Variants in DHX29 observed in about 807,000 individuals in gnomAD.
The protein encoded by DHX29 is DExH-box helicase 29.
A neutral mutation model predicts 167.9 loss-of-function variants in DHX29; 79 were observed. The ratio of observed to expected loss-of-function variants is 0.47; its 90% CI spans 0.39 to 0.57. The LOEUF is 0.57. Among genes scored for constraint, DHX29 ranks in the 20% least tolerant of loss-of-function variants. DHX29 has a pLI of 0.00. For missense variants in DHX29, 1,347 were observed against 1,593.4 expected, an observed-to-expected ratio of 0.85 and a Z score of 2.63; for synonymous variants, 530 against 546.0, an observed-to-expected ratio of 0.97 and a Z score of 0.41.
At chr5:55,270,313 G>T in intron 20 of DHX29, 99 bp downstream of exon 20, 1 of 1,340,700 alleles carries the variant, frequency 7.5e-7, no homozygotes, top group Non-Finnish European at 1.0e-6. Flanking sequence ...TAAAAAAGTT[G>T]AAAATCTAAA....
chr5:55,275,078 A>G, intron 14 of DHX29, 68 bp from the exon 15 acceptor site: 1 of 1,542,172 alleles, frequency 6.5e-7, no homozygotes, highest in Middle Eastern at 1.9e-4. Flanking sequence ...AAAGAAGGAA[A>G]AAAGGCGGTA....
At chr5:55,264,132 A>T (rs1019728704) in intron 23 of DHX29, among the ~76,000 whole-genome samples, 6 of 144,958 alleles carry the variant, frequency 4.1e-5, no homozygotes, top group South Asian at 2.2e-4. Flanking sequence ...CCATCTATTT[A>T]AAAAAAAAAC....
At position 55,306,949 on chromosome 5, in the gene DHX29, C is replaced by T. The variant is rs554781038; in HGVS notation, c.187+438G>A. On this transcript the variant is annotated intron_variant, in intron 1 of 26. Transcript: ENST00000251636. ...TAATTTTTATTAAGTATTGATTTTT[C>T]CAGAACGCATGGAGACACTAGATTG... Among the ~76,000 whole-genome samples the T allele has an allele frequency of 3.1e-3, 478 of 152,226 alleles. 4 individuals are homozygous for T. The highest frequency in any genetic ancestry group is 6.8e-3 in the Middle Eastern group (2 of 294).
At position 55,270,477 on chromosome 5, in the gene DHX29, A is replaced by G; in HGVS notation, c.3004T>C (p.Phe1002Leu). The stretch of plus-strand genomic sequence containing the variant: ...ATTTCAGGAACAGAATAATCCATAA[A>G]GCCTTCAAATCTGAAAAATAAAGTA... ...RMYTRERFEG[F>L]MDYSVPEILR... Residue 1002 changes from phenylalanine (F) to leucine (L), a missense_variant, in exon 20 of 27, where the codon TTT becomes CTT. Phe to Leu is a conservative substitution (Grantham distance 22). Coordinates refer to ENST00000251636, the MANE Select transcript of DHX29 (RefSeq NM_019030.4). The G allele has an allele frequency of 2.5e-6, 4 of 1,613,482 alleles. No individual in the cohort carries two copies. The highest frequency in any genetic ancestry group is 1.3e-5 in the African/African-American group (1 of 75,016).
chr5:55,293,728 G>A (rs957361278), intron 6 of DHX29, among the ~76,000 whole-genome samples: 3 of 151,996 alleles, frequency 2.0e-5, no homozygotes, highest in African/African-American at 4.8e-5. Flanking sequence ...GTAAAGGAAC[G>A]TGCCTTATCT....
In DHX29 at chr5:55,267,248, T is replaced by C; in HGVS notation, c.3432-17A>G. 1.3e-6 allele frequency: 2 copies of C among 1,574,540 alleles called. No individual in the cohort carries two copies. Among genetic ancestry groups the C allele is most frequent in the South Asian group, 2.2e-5 (2 of 89,500 alleles). On this transcript the variant is annotated splice_polypyrimidine_tract_variant and intron_variant, in intron 22 of 26. Transcript: ENST00000251636. Reference sequence around the variant, plus strand: ...TTCTTCCATCTAGATAAATAAAATGTCAATTAATGAATAAAGTTCACCATG... The same window carrying C: ...TTCTTCCATCTAGATAAATAAAATGCCAATTAATGAATAAAGTTCACCATG...
intron 25 of DHX29, 27 bp from the exon 26 acceptor site, chr5:55,259,971 CA>C (rs1561132082): frequency 7.2e-7 from 1 of 1,382,982 alleles, no homozygotes; most frequent in South Asian, 1.2e-5. Context: ...AAAAAATGGA[CA>C]AAGTCAATCC....
intron 18 of DHX29, among the ~76,000 whole-genome samples, chr5:55,271,807 A>G (rs1453062660): frequency 6.6e-6 from 1 of 152,198 alleles, no homozygotes; most frequent in Non-Finnish European, 1.5e-5. Context: ...TTTTACAAAT[A>G]AAATATCTAT....
chr5:55,259,334 T>C (rs1411916722), intron 26 of DHX29, among the ~76,000 whole-genome samples: 3 of 152,158 alleles, frequency 2.0e-5, no homozygotes, highest in Non-Finnish European at 4.4e-5. Flanking sequence ...TAATCACTAA[T>C]TGAGTTTGAT....
intron 26 of DHX29, 68 bp from the exon 27 acceptor site, chr5:55,256,608 T>C (rs1291209918): frequency 1.4e-6 from 2 of 1,467,050 alleles, no homozygotes; most frequent in African/African-American, 1.4e-5. Flanking sequence ...GGTATGCACA[T>C]GTAAATAAGA....
chr5:55,280,398 A>G (rs1747341618), intron 12 of DHX29, among the ~76,000 whole-genome samples: 1 of 152,214 alleles, frequency 6.6e-6, no homozygotes, highest in Non-Finnish European at 1.5e-5. Context: ...AGATGTTTCA[A>G]CTTACCTAAC....
At chr5:55,294,999 T>G (rs1300043399) in intron 5 of DHX29, 1 of 166,036 alleles carries the variant, frequency 6.0e-6, no homozygotes. Flanking sequence ...GACCACTATA[T>G]GTGAGGAAAC....
chr5:55,277,848 G>T (rs944452254), intron 12 of DHX29, among the ~76,000 whole-genome samples: 2 of 147,198 alleles, frequency 1.4e-5, no homozygotes, highest in African/African-American at 5.1e-5. Flanking sequence ...AGAGTTTGCA[G>T]TGAGCCAAGA....
intron 12 of DHX29, among the ~76,000 whole-genome samples, chr5:55,280,761 A>G (rs1217646531): frequency 6.6e-6 from 1 of 152,190 alleles, no homozygotes; most frequent in East Asian, 1.9e-4. Context: ...CTGCTTCTTC[A>G]TAGTAGTTCA....
intron 5 of DHX29, chr5:55,295,035 T>A: frequency 5.5e-6 from 1 of 183,010 alleles, no homozygotes; most frequent in Non-Finnish European, 1.1e-5. Context: ...GGAAAAAACA[T>A]GTAAACAGAG....
intron 10 of DHX29, among the ~76,000 whole-genome samples, chr5:55,284,125 T>C (rs1303504848): frequency 6.6e-6 from 1 of 152,230 alleles, no homozygotes; most frequent in Admixed American, 6.5e-5. Context: ...ATTCACTTAA[T>C]CTCTATGTGT....
Position 55,289,605 on chromosome 5 carries a change from A to AT in DHX29, c.908-178dup, listed in dbSNP as rs1747933405. Reference sequence around the variant, plus strand: ...TTTCCTTGTAGCCAATTATTTAATAATTCCTGTTAGGAATCTGTGCAGGAA... The same window carrying AT: ...TTTCCTTGTAGCCAATTATTTAATAATTTCCTGTTAGGAATCTGTGCAGGAA... On this transcript the variant is annotated intron_variant, in intron 7 of 26. Coordinates refer to ENST00000251636, the MANE Select transcript of DHX29 (RefSeq NM_019030.4). Among the ~76,000 whole-genome samples, 3 of 152,154 alleles carry AT rather than the reference A, an allele frequency of 2.0e-5. No homozygotes were observed. In the South Asian group the frequency reaches 6.2e-4, roughly 31 times the overall value.
chr5:55,274,073 C>T (rs535428602), intron 16 of DHX29, among the ~76,000 whole-genome samples: 73 of 137,270 alleles, frequency 5.3e-4, no homozygotes, highest in African/African-American at 1.9e-3. Flanking sequence ...GCCGACAGAG[C>T]AAGACTCTGC....
At chr5:55,291,171 T>C (rs1295123439) in intron 6 of DHX29, among the ~76,000 whole-genome samples, 7 of 152,138 alleles carry the variant, frequency 4.6e-5, no homozygotes, top group Non-Finnish European at 8.8e-5. Flanking sequence ...CTCAAGGACA[T>C]GACTTGACTC....
Sources: gnomAD v4.1 joint callset for allele counts (sites outside exome capture counted in the v4.1 genomes callset) on GRCh38, gnomAD v4.1.1 for gene constraint, MANE v1.5 for transcripts, NCBI Gene and HGNC (gene_info 2026-07-23, HGNC 2026-07-21) for gene names.